Variants in HOOK3 observed in about 807,000 individuals in gnomAD.
The protein encoded by HOOK3 is hook microtubule tethering protein 3.
In HOOK3, 24 loss-of-function variants were observed where a neutral mutation model predicts 116.3. The ratio of observed to expected loss-of-function variants is 0.21; its 90% CI spans 0.15 to 0.29. HOOK3 has a LOEUF of 0.29. Ranked by LOEUF, HOOK3 falls within the 10% of genes least tolerant of loss-of-function variation. The pLI, the probability that HOOK3 is intolerant of heterozygous loss-of-function variation, is 1.00. For synonymous variants in HOOK3, 275 were observed against 283.0 expected, an observed-to-expected ratio of 0.97 and a Z score of 0.28; for missense variants, 632 against 830.2, an observed-to-expected ratio of 0.76 and a Z score of 2.93.
rs1428556596 is a variant in HOOK3 at position 43,020,777 on chromosome 8, T to C, written c.*2279T>C. The C allele has an allele frequency of 5.5e-6, 1 of 181,192 alleles. No homozygotes were observed. Among genetic ancestry groups the C allele is most frequent in the Non-Finnish European group, 1.2e-5 (1 of 85,126 alleles). The allele number at this position is 181,192 out of a possible 1,614,324, so 11.2% of individuals were successfully genotyped here. On this transcript the variant is annotated 3_prime_UTR_variant, in exon 22 of 22. Coordinates refer to ENST00000307602, the MANE Select transcript of HOOK3 (RefSeq NM_032410.4). ...GCACTAACCTTGGTAAGTTAAAATT[T>C]TGGGAAAATTGTACCTGCAGAATAT...
intron 17 of HOOK3, among the ~76,000 whole-genome samples, chr8:43,002,560 A>C (rs1809400689): frequency 6.6e-6 from 1 of 152,246 alleles, no homozygotes; most frequent in Non-Finnish European, 1.5e-5. Flanking sequence ...ACCATGTTGT[A>C]GTAAAACTTT....
At chr8:42,907,592 A>G (rs903596610) in intron 2 of HOOK3, among the ~76,000 whole-genome samples, 1 of 152,162 alleles carries the variant, frequency 6.6e-6, no homozygotes, top group African/African-American at 2.4e-5. Context: ...AGTTCTTAAT[A>G]AAAATTGTTT....
intron 2 of HOOK3, among the ~76,000 whole-genome samples, chr8:42,922,424 T>C (rs1807674802): frequency 6.6e-6 from 1 of 151,516 alleles, no homozygotes; most frequent in South Asian, 2.1e-4. Context: ...CACTGTGATG[T>C]GTCTTAGCAC....
intron 2 of HOOK3, among the ~76,000 whole-genome samples, chr8:42,907,713 A>T (rs961984023): frequency 2.0e-5 from 3 of 151,892 alleles, no homozygotes; most frequent in Non-Finnish European, 2.9e-5. Flanking sequence ...CAGAAGAAAG[A>T]AAGTATATAT....
At chr8:43,009,839 G>A (rs969572626) in intron 18 of HOOK3, among the ~76,000 whole-genome samples, 5 of 151,888 alleles carry the variant, frequency 3.3e-5, no homozygotes, top group African/African-American at 9.7e-5. Flanking sequence ...CTCCCCAGCC[G>A]CTAATAACTG....
chr8:42,932,347 A>T (rs973054547), intron 4 of HOOK3, among the ~76,000 whole-genome samples: 11 of 137,592 alleles, frequency 8.0e-5, no homozygotes, highest in Non-Finnish European at 1.4e-4. Context: ...CCTATTACAT[A>T]AAAAAAAAGT....
chr8:42,947,622 T>G (rs933071004), intron 5 of HOOK3, among the ~76,000 whole-genome samples: 2 of 152,222 alleles, frequency 1.3e-5, no homozygotes, highest in Admixed American at 1.3e-4. Context: ...ATTTAGGACA[T>G]CCTCTGCTCT....
intron 1 of HOOK3, among the ~76,000 whole-genome samples, chr8:42,900,063 G>A (rs956952399): frequency 6.6e-6 from 1 of 152,164 alleles, no homozygotes; most frequent in Non-Finnish European, 1.5e-5. Context: ...TGCCTCATAT[G>A]CTAGATAAAT....
At chr8:42,955,607 A>G (rs1808418784) in intron 6 of HOOK3, among the ~76,000 whole-genome samples, 1 of 152,214 alleles carries the variant, frequency 6.6e-6, no homozygotes. Context: ...AAACAGGAGT[A>G]AACTTCAGGC....
chr8:42,986,686 A>G lies in HOOK3; in HGVS notation c.1423A>G (p.Lys475Glu). ...ACTTATTCGTCTTCAGCATGAGAAT[A>G]AGATGTTAAAGCTTAACCAAGAAGG... The part of the protein sequence containing the change: ...EKLIRLQHEN[K>E]MLKLNQEGSD... The change falls in exon 15 of 22, where the codon AAG becomes GAG. Residue 475 changes from lysine to glutamate, a missense_variant. Lys to Glu is a moderately conservative substitution (Grantham distance 56). This residue lies in a region of HOOK3 where 483 missense variants were observed against 648.1 expected (regional missense o/e 0.75). Coordinates refer to ENST00000307602, the MANE Select transcript of HOOK3 (RefSeq NM_032410.4). 6.2e-7 allele frequency: 1 copy of G among 1,613,356 alleles called. No homozygotes were observed. The highest frequency in any genetic ancestry group is 8.5e-7 in the Non-Finnish European group (1 of 1,179,580).
chr8:42,946,693 A>AT (rs1313651712), intron 5 of HOOK3, among the ~76,000 whole-genome samples: 1 of 149,338 alleles, frequency 6.7e-6, no homozygotes, highest in East Asian at 2.0e-4. Context: ...CCAATTCAGT[A>AT]TTTTTTAAAA....
rs1809649150 is a variant in HOOK3, at chr8:43,013,320, T to G, written c.1945-9T>G. 6.4e-7 allele frequency: 1 copy of G among 1,556,662 alleles called. No homozygotes were observed. Among genetic ancestry groups the G allele is most frequent in the Non-Finnish European group, 8.6e-7 (1 of 1,157,004 alleles). The stretch of plus-strand genomic sequence containing the variant: ...TTACATATTTACATGTGCTTTTTTT[T>G]TTTTTTAGAAAGAATATGAGAAAAC... On this transcript the variant is annotated splice_polypyrimidine_tract_variant and intron_variant, in intron 20 of 21. Coordinates refer to ENST00000307602, the MANE Select transcript of HOOK3 (RefSeq NM_032410.4).
chr8:43,009,574 A>G (rs1809564281), intron 18 of HOOK3, among the ~76,000 whole-genome samples: 2 of 152,128 alleles, frequency 1.3e-5, no homozygotes, highest in African/African-American at 4.8e-5. Flanking sequence ...TGTGCTTCCC[A>G]AATATTTACT....
chr8:42,899,063 CTTAAG>C (rs146385214), intron 1 of HOOK3, among the ~76,000 whole-genome samples: 3,681 of 152,172 alleles, frequency 0.024, 142 homozygotes, highest in African/African-American at 0.082. Flanking sequence ...GTTGAAAAGT[CTTAAG>C]TTAAACCATC....
chr8:42,959,419 C>A, intron 8 of HOOK3, 105 bp downstream of exon 8: 1 of 738,110 alleles, frequency 1.4e-6, no homozygotes, highest in Admixed American at 2.6e-5. Flanking sequence ...TAACGCAACC[C>A]TTTTTTAGGG....
In HOOK3 at chr8:42,997,626, A is replaced by G. The variant is rs1809304227; in HGVS notation, c.1609A>G (p.Lys537Glu). ...AAAATCTTTACAGGATCAAGGCTCA[A>G]AAGCAGAAGATGTAAGTTTTAATAT... ...LQKSLQDQGS[K>E]AEDSVLLKKK... The change falls in exon 16 of 22, where the codon AAA becomes GAA. Residue 537 changes from lysine (K) to glutamate (E), a missense_variant. Coordinates refer to ENST00000307602, the MANE Select transcript of HOOK3 (RefSeq NM_032410.4). 1 of 1,586,120 alleles carries G rather than the reference A, an allele frequency of 6.3e-7. No individual in the cohort carries two copies. Among genetic ancestry groups the G allele is most frequent in the Non-Finnish European group, 8.7e-7 (1 of 1,154,824 alleles).
At chr8:42,907,816 CAAAAAAAAAAAA>C (rs71550426) in intron 2 of HOOK3, among the ~76,000 whole-genome samples, 1 of 46,196 alleles carries the variant, frequency 2.2e-5, no homozygotes, top group Non-Finnish European at 4.5e-5. Flanking sequence ...AGCAACGAGG[CAAAAAAAAAAAA>C]AAAAAAAAAA....
At chr8:42,924,564 G>A (rs955374800) in intron 2 of HOOK3, among the ~76,000 whole-genome samples, 1 of 152,148 alleles carries the variant, frequency 6.6e-6, no homozygotes, top group Non-Finnish European at 1.5e-5. Flanking sequence ...ATTATTTGAA[G>A]AAATCAGAAT....
chr8:43,013,388 C>T lies in HOOK3; in HGVS notation c.2004C>T (p.Ala668=). 1 of 1,582,432 alleles carries T rather than the reference C, an allele frequency of 6.3e-7. No individual in the cohort carries two copies. The highest frequency in any genetic ancestry group is 2.3e-5 in the East Asian group (1 of 44,220). ...TGGAAGAGAAATATATTGTTAGTGCCTGGTACAATATGGTAAGAAAATAGT... is the reference window on the plus strand; with the variant it reads ...TGGAAGAGAAATATATTGTTAGTGCTTGGTACAATATGGTAAGAAAATAGT... ...REMEEKYIVS[A]WYNMGMTLHK... is the part of the protein sequence containing the mutation. Residue 668 remains alanine (A), a synonymous_variant, in exon 21 of 22, where the codon GCC becomes GCT. Transcript: ENST00000307602.
Sources: gnomAD v4.1 joint callset for allele counts (sites outside exome capture counted in the v4.1 genomes callset) on GRCh38, gnomAD v4.1.1 for gene constraint, gnomAD v4.1.1 regional missense constraint, MANE v1.5 for transcripts, NCBI Gene and HGNC (gene_info 2026-07-23, HGNC 2026-07-21) for gene names.